The following SUCO variants were observed in gnomAD, a reference collection of about 807,000 sequenced individuals.
SUCO encodes SUN domain containing ossification factor.
SUCO carries 57 observed loss-of-function variants against 148.1 expected under a neutral mutation model. That is an observed-to-expected ratio of 0.38 (90% CI 0.31 to 0.48). SUCO has a LOEUF of 0.48. Among genes scored for constraint, SUCO ranks in the 20% least tolerant of loss-of-function variants. SUCO has a pLI of 0.96. For missense variants in SUCO, 1,331 were observed against 1,468.2 expected (o/e 0.91, Z 1.53); for synonymous variants, 470 against 502.7 (o/e 0.93, Z 0.87).
Position 172,570,189 on chromosome 1 carries a change from A to C in SUCO, c.981+18A>C, listed in dbSNP as rs778733279. 3 of 1,522,944 alleles carry C rather than the reference A, an allele frequency of 2.0e-6. No individual in the cohort carries two copies. The highest frequency in any genetic ancestry group is 2.7e-6 in the Non-Finnish European group (3 of 1,124,314). The allele number at this position is 1,522,944 out of a possible 1,614,324, so 94.3% of individuals were successfully genotyped here. A position where few individuals can be genotyped will look rare whatever the true frequency, so the allele number is the denominator to read the frequency against. ...AAGCCAAGGTAGGTGTTTAAATATAAAATTTTGTATATATAGGAAATTAAC... is the reference window on the plus strand; with the variant it reads ...AAGCCAAGGTAGGTGTTTAAATATACAATTTTGTATATATAGGAAATTAAC... On this transcript the variant is annotated intron_variant, in intron 8 of 23. Transcript: ENST00000263688.
At chr1:172,535,816 A>G (rs568690529) in intron 1 of SUCO, among the ~76,000 whole-genome samples, 25 of 152,114 alleles carry the variant, frequency 1.6e-4, no homozygotes, top group Non-Finnish European at 3.1e-4. Flanking sequence ...TTACTGTGTT[A>G]TGTTTACTAT....
intron 1 of SUCO, among the ~76,000 whole-genome samples, chr1:172,550,526 C>A (rs1653213724): frequency 6.6e-6 from 1 of 151,912 alleles, no homozygotes; most frequent in Non-Finnish European, 1.5e-5. Flanking sequence ...ATAAACTCAT[C>A]TGCAGTTAAT....
At chr1:172,577,492 T>C in intron 11 of SUCO, 47 bp from the exon 12 acceptor site, 1 of 1,583,926 alleles carries the variant, frequency 6.3e-7, no homozygotes, top group Non-Finnish European at 8.6e-7. Flanking sequence ...GCATGATGTC[T>C]AGACTTTGGA....
Position 172,557,477 on chromosome 1 carries a change from T to G in SUCO, c.581+60T>G, listed in dbSNP as rs2149233985. The stretch of plus-strand genomic sequence containing the variant: ...TCTGTAATAACAGCAGTGTCCTGTT[T>G]GAATGGACTTTGGTGTATGTTAAAT... On this transcript the variant is annotated intron_variant, in intron 5 of 23. Coordinates refer to ENST00000263688, the MANE Select transcript of SUCO (RefSeq NM_014283.5). 5 of 1,596,910 alleles carry G rather than the reference T, an allele frequency of 3.1e-6. No homozygotes were observed. In the East Asian group the frequency reaches 1.1e-4, roughly 36 times the overall value.
chr1:172,583,255 G>A (rs1484154919), intron 15 of SUCO, among the ~76,000 whole-genome samples: 1 of 152,102 alleles, frequency 6.6e-6, no homozygotes, highest in African/African-American at 2.4e-5. Context: ...TTTAGCTTAA[G>A]TAAGAATTAA....
rs751709903 is a variant in SUCO at position 172,589,724 on chromosome 1, G to A, written c.2623G>A (p.Ala875Thr). ...VKEEEQSPED[A>T]LLRGLQRTAT... ...AGAAGAAGAACAGTCTCCAGAAGAT[G>A]CCCTTTTGAGAGGGTTACAGAGGAC... is the stretch of plus-strand genomic sequence containing the variant. Residue 875 changes from alanine to threonine, a missense_variant, in exon 18 of 24, where the codon GCC becomes ACC. Physicochemically the swap from Ala to Thr is moderately conservative, Grantham distance 58. Around this residue, in one of 3 missense-constraint regions of SUCO, gnomAD observed 992 missense variants for 1,093.5 expected, o/e 0.91. Coordinates refer to ENST00000263688, the MANE Select transcript of SUCO (RefSeq NM_014283.5). 2 of 1,613,336 alleles carry A rather than the reference G, an allele frequency of 1.2e-6. No individual in the cohort carries two copies. Among genetic ancestry groups the A allele is most frequent in the African/African-American group, 2.7e-5 (2 of 74,880 alleles).
chr1:172,611,488 T>C lies in SUCO; in HGVS notation c.*1229T>C, dbSNP rs940389427. On this transcript the variant is annotated 3_prime_UTR_variant, in exon 24 of 24. Coordinates refer to ENST00000263688, the MANE Select transcript of SUCO (RefSeq NM_014283.5). ...TAAGTTATAACTTATTGAGCACTTT[T>C]AGTAGTGATAACTGTTTTTAAACTT... 2.0e-5 allele frequency: 3 copies of C among 152,682 alleles called. No homozygotes were observed. Among genetic ancestry groups the C allele is most frequent in the East Asian group, 1.9e-4 (1 of 5,202 alleles). 9.5% of individuals were successfully genotyped at this position (152,682 alleles called of 1,614,324 possible). A position where few individuals can be genotyped will look rare whatever the true frequency, so the allele number is the denominator to read the frequency against.
intron 13 of SUCO, 21 bp downstream of exon 13, chr1:172,577,840 T>C (rs1347989015): frequency 6.4e-7 from 1 of 1,565,798 alleles, no homozygotes; most frequent in East Asian, 2.2e-5. Flanking sequence ...ACAAAATACA[T>C]TTATTGAGTT....
intron 15 of SUCO, among the ~76,000 whole-genome samples, chr1:172,583,773 C>T (rs1479463213): frequency 6.6e-6 from 1 of 152,084 alleles, no homozygotes; most frequent in East Asian, 1.9e-4. Flanking sequence ...AGTGGAATTT[C>T]AAAGGTTAGA....
chr1:172,569,299 C>A, intron 7 of SUCO, 157 bp downstream of exon 7: 3 of 756,004 alleles, frequency 4.0e-6, no homozygotes, highest in Non-Finnish European at 4.8e-6. Flanking sequence ...ATCCATCCAT[C>A]ATGTACCTGT....
At chr1:172,585,495 C>T (rs1656175907) in intron 16 of SUCO, among the ~76,000 whole-genome samples, 1 of 151,980 alleles carries the variant, frequency 6.6e-6, no homozygotes, top group Non-Finnish European at 1.5e-5. Flanking sequence ...AAGAAACAGT[C>T]TTGCCTTTTT....
At chr1:172,570,288 TAA>T (rs1157120525) in intron 8 of SUCO, 117 bp downstream of exon 8, 10 of 578,626 alleles carry the variant, frequency 1.7e-5, no homozygotes, top group Non-Finnish European at 2.8e-5. Context: ...TATTCACTAA[TAA>T]AAGCAGAATA....
intron 22 of SUCO, chr1:172,608,501 T>A (rs748517704): frequency 6.8e-5 from 33 of 488,436 alleles, no homozygotes; most frequent in Middle Eastern, 5.6e-4. Flanking sequence ...GTTAACAACT[T>A]AAGGAAGTAT....
chr1:172,558,040 G>A (rs903115519), intron 6 of SUCO, among the ~76,000 whole-genome samples: 2 of 152,134 alleles, frequency 1.3e-5, no homozygotes, highest in Non-Finnish European at 2.9e-5. Context: ...AAATGATTTT[G>A]TGCCACCCAC....
intron 6 of SUCO, among the ~76,000 whole-genome samples, chr1:172,559,988 G>T (rs1654029521): frequency 6.6e-6 from 1 of 152,178 alleles, no homozygotes; most frequent in East Asian, 1.9e-4. Context: ...TCTTAAGAAG[G>T]CTGCACAAGG....
At chr1:172,609,166 C>T (rs1658051327) in intron 23 of SUCO, 1 of 771,750 alleles carries the variant, frequency 1.3e-6, no homozygotes, top group Non-Finnish European at 1.6e-6. Context: ...AAGCACAGAG[C>T]ATGCACCGTT....
chr1:172,532,935 T>A, upstream of SUCO: 1 of 1,356,266 alleles, frequency 7.4e-7, no homozygotes, highest in Non-Finnish European at 9.8e-7. Flanking sequence ...GTCTCCTGCC[T>A]CCGGCTTCTC....
intron 7 of SUCO, chr1:172,569,560 T>G (rs916492496): frequency 2.1e-6 from 2 of 960,476 alleles, no homozygotes; most frequent in Admixed American, 1.2e-4. Context: ...AGCTTGCTTA[T>G]GTTATGAGGC....
intron 9 of SUCO, among the ~76,000 whole-genome samples, chr1:172,572,413 C>G (rs1179491539): frequency 1.3e-5 from 2 of 151,902 alleles, no homozygotes; most frequent in Non-Finnish European, 2.9e-5. Context: ...CAACCCTGTG[C>G]TCCCTGAAAC....
Sources: gnomAD v4.1 joint callset for allele counts (sites outside exome capture counted in the v4.1 genomes callset) on GRCh38, gnomAD v4.1.1 for gene constraint, gnomAD v4.1.1 regional missense constraint, MANE v1.5 for transcripts, NCBI Gene and HGNC (gene_info 2026-07-23, HGNC 2026-07-21) for gene names.